Variants in TBC1D8B observed in about 807,000 individuals in gnomAD.
TBC1D8B encodes RP11-321G1.1.
In TBC1D8B, 75 loss-of-function variants were observed where a neutral mutation model predicts 82.9. The ratio of observed to expected loss-of-function variants is 0.90; its 90% CI spans 0.75 to 1.10. The LOEUF is 1.10. TBC1D8B is among the 50% of genes least tolerant of loss of function. The pLI is 0.00. For missense variants in TBC1D8B, 794 were observed against 796.9 expected, an observed-to-expected ratio of 1.00 and a Z score of 0.04; for synonymous variants, 276 against 276.8, an observed-to-expected ratio of 1.00 and a Z score of 0.03.
At position 106,837,121 on chromosome X, in the gene TBC1D8B, G is replaced by C. The variant is rs1311040729; in HGVS notation, c.1204-2187G>C. 3.6e-5 allele frequency among the ~76,000 whole-genome samples: 4 copies of C among 112,003 alleles called. No individual in the cohort carries two copies. The East Asian group carries it at 1.1e-3, about 31-fold the overall frequency. ...AGAACACATAGGAGTTAATCTTCAT[G>C]ATCTTGAATTAGGCAATTGTTTATA... On this transcript the variant is annotated intron_variant, in intron 7 of 20. Coordinates refer to ENST00000357242, the MANE Select transcript of TBC1D8B (RefSeq NM_017752.3).
chrX:106,862,776 G>GTTTTTTTT (rs1181091591), intron 14 of TBC1D8B, among the ~76,000 whole-genome samples: 25 of 37,289 alleles, frequency 6.7e-4, no homozygotes, highest in African/African-American at 9.6e-4. Flanking sequence ...GTTTTTTTTT[G>GTTTTTTTT]TTTTTTTTTT....
chrX:106,808,430 A>C (rs1418350510), intron 1 of TBC1D8B, among the ~76,000 whole-genome samples: 1 of 111,801 alleles, frequency 8.9e-6, no homozygotes, highest in African/African-American at 3.3e-5. Context: ...TATTTATGCC[A>C]TTTTCCCTAG....
At chrX:106,855,867 T>C (rs1394334013) in intron 14 of TBC1D8B, among the ~76,000 whole-genome samples, 1 of 111,107 alleles carries the variant, frequency 9.0e-6, no homozygotes, top group East Asian at 2.8e-4. Context: ...TAACACCAGA[T>C]ATTTAAAATC....
chrX:106,803,505 G>A (rs1931096480), intron 1 of TBC1D8B, among the ~76,000 whole-genome samples: 1 of 111,242 alleles, frequency 9.0e-6, no homozygotes, highest in South Asian at 3.9e-4. Context: ...AGGGAGGAGG[G>A]AGAACTGGAG....
Position 106,865,989 on chromosome X carries a change from ACT to A in TBC1D8B, c.2621_2622del (p.Ser874Ter), listed in dbSNP as rs1438545788. 1 of 1,206,347 alleles carries A rather than the reference ACT, an allele frequency of 8.3e-7. No individual in the cohort carries two copies. Among genetic ancestry groups the A allele is most frequent in the African/African-American group, 1.8e-5 (1 of 56,541 alleles). On this transcript the variant is annotated frameshift_variant, in exon 16 of 21. Coordinates refer to ENST00000357242, the MANE Select transcript of TBC1D8B (RefSeq NM_017752.3). LOFTEE classifies it high-confidence loss of function. ...TGGACATTCAGATTGTTAGATGAAA[ACT>A]CTGATTGCCTTATAAACTTCAAAGA...
At chrX:106,844,242 T>A (rs1361789821) in intron 10 of TBC1D8B, among the ~76,000 whole-genome samples, 1 of 109,578 alleles carries the variant, frequency 9.1e-6, no homozygotes, top group Non-Finnish European at 1.9e-5. Context: ...TTCGGTACAA[T>A]GTTGAATAGA....
chrX:106,873,706 G>T lies in TBC1D8B; in HGVS notation c.3104G>T (p.Ser1035Ile). The T allele has an allele frequency of 1.7e-6, 2 of 1,211,722 alleles. No homozygotes were observed. The highest frequency in any genetic ancestry group is 2.2e-6 in the Non-Finnish European group (2 of 895,556). ...GAAGAAGTTGGAAGGAAACTACATA[G>T]CCCTACATCATCAGCCAAAGGATTC... is the stretch of plus-strand genomic sequence containing the variant. The part of the protein sequence containing the change: ...RMEEVGRKLH[S>I]PTSSAKGFSG... The change falls in exon 21 of 21, where the codon AGC becomes ATC. Residue 1035 changes from serine to isoleucine, a missense_variant. Transcript: ENST00000357242.
chrX:106,823,587 A>G, intron 5 of TBC1D8B, 121 bp downstream of exon 5: 1 of 764,659 alleles, frequency 1.3e-6, no homozygotes, highest in Non-Finnish European at 1.8e-6. Context: ...TTTGGAGTTG[A>G]TTGTGGGTGT....
chrX:106,807,473 T>G (rs1230454704), intron 1 of TBC1D8B, among the ~76,000 whole-genome samples: 1 of 102,241 alleles, frequency 9.8e-6, no homozygotes, highest in East Asian at 2.9e-4. Flanking sequence ...TTTTTTTTTT[T>G]GGAATAGTGG....
At chrX:106,822,609 C>A (rs1931725047) in intron 4 of TBC1D8B, among the ~76,000 whole-genome samples, 1 of 111,181 alleles carries the variant, frequency 9.0e-6, no homozygotes, top group African/African-American at 3.3e-5. Context: ...CTATTTATAG[C>A]ATACAAACAG....
At chrX:106,827,101 A>T in intron 6 of TBC1D8B, 69 bp from the exon 7 acceptor site, 1 of 1,133,805 alleles carries the variant, frequency 8.8e-7, no homozygotes, top group African/African-American at 1.8e-5. Flanking sequence ...AGTAAGCCAA[A>T]CACATTTTAC....
At chrX:106,846,686 G>A (rs1932461557) in intron 10 of TBC1D8B, among the ~76,000 whole-genome samples, 1 of 110,970 alleles carries the variant, frequency 9.0e-6, no homozygotes, top group Non-Finnish European at 1.9e-5. Flanking sequence ...TTCTTGCATG[G>A]GAAAATGATT....
rs1253406957 is a variant in TBC1D8B, at chrX:106,875,885, AAG to A, written c.*1924_*1925del. On this transcript the variant is annotated 3_prime_UTR_variant, in exon 21 of 21. Transcript: ENST00000357242. ...TAGATTAATTAAAATTGAATACTGA[AAG>A]AGATTTTTTGAGTTGCAAAAAGTTT... is the stretch of plus-strand genomic sequence containing the variant. 1.8e-5 allele frequency: 2 copies of A among 112,444 alleles called. No homozygotes were observed. Among genetic ancestry groups the A allele is most frequent in the Non-Finnish European group, 3.8e-5 (2 of 53,232 alleles). 9.3% of individuals were successfully genotyped at this position (112,444 alleles called of 1,213,427 possible).
chrX:106,865,452 C>T lies in TBC1D8B; in HGVS notation c.2353-107C>T. ...TTATTATTCATTTAAGAAGTTAAAA[C>T]ACAAATATTTTCTTCTAGCAGAGAG... On this transcript the variant is annotated intron_variant, in intron 14 of 20. Coordinates refer to ENST00000357242, the MANE Select transcript of TBC1D8B (RefSeq NM_017752.3). 4 of 454,272 alleles carry T rather than the reference C, an allele frequency of 8.8e-6. 1 individual carries two copies. In the Middle Eastern group the frequency reaches 2.1e-3, roughly 243 times the overall value. 37.4% of individuals were successfully genotyped at this position (454,272 alleles called of 1,213,427 possible).
At chrX:106,861,994 A>G (rs1932779449) in intron 14 of TBC1D8B, among the ~76,000 whole-genome samples, 1 of 112,060 alleles carries the variant, frequency 8.9e-6, no homozygotes, top group African/African-American at 3.2e-5. Flanking sequence ...TCCTTTGCTT[A>G]TGAAGCTTAG....
intron 14 of TBC1D8B, among the ~76,000 whole-genome samples, chrX:106,856,874 T>A: frequency 9.0e-6 from 1 of 111,681 alleles, no homozygotes; most frequent in Non-Finnish European, 1.9e-5. Flanking sequence ...ATGAGATCAT[T>A]TTTCCTTTAC....
chrX:106,834,643 G>C (rs1319638210), intron 7 of TBC1D8B, among the ~76,000 whole-genome samples: 4 of 112,144 alleles, frequency 3.6e-5, no homozygotes, highest in Non-Finnish European at 5.6e-5. Flanking sequence ...TCAAAAGCAA[G>C]TTAGTTACTT....
intron 1 of TBC1D8B, among the ~76,000 whole-genome samples, chrX:106,813,369 G>C (rs1931435520): frequency 8.9e-6 from 1 of 111,777 alleles, no homozygotes; most frequent in African/African-American, 3.3e-5. Flanking sequence ...ATGTAGTCTA[G>C]CACTAGTTTC....
At chrX:106,822,448 G>T (rs149941369) in intron 4 of TBC1D8B, among the ~76,000 whole-genome samples, 29 of 111,135 alleles carry the variant, frequency 2.6e-4, no homozygotes, top group African/African-American at 9.1e-4. Context: ...TGATGATCTG[G>T]CATATGACTG....
Sources: gnomAD v4.1 joint callset for allele counts (sites outside exome capture counted in the v4.1 genomes callset) on GRCh38, gnomAD v4.1.1 for gene constraint, MANE v1.5 for transcripts, NCBI Gene and HGNC (gene_info 2026-07-23, HGNC 2026-07-21) for gene names.